The following VPS13D variants were observed in gnomAD, a reference collection of about 807,000 sequenced individuals.
VPS13D encodes vacuolar protein sorting 13 homolog D, also known as intermembrane lipid transfer protein VPS13D.
A neutral mutation model predicts 461.9 loss-of-function variants in VPS13D; 187 were observed. The ratio of observed to expected loss-of-function variants is 0.40; its 90% confidence interval spans 0.36 to 0.46. The LOEUF is 0.46. Among genes scored for constraint, VPS13D ranks in the 20% least tolerant of loss-of-function variants. The pLI, the probability that VPS13D is intolerant of heterozygous loss-of-function variation, is 0.60. For synonymous variants in VPS13D, 1,951 were observed against 1,986.3 expected (o/e 0.98, Z 0.47); for missense variants, 4,711 against 5,364.9 (o/e 0.88, Z 3.81).
chr1:12,510,551 G>GTA lies in VPS13D; in HGVS notation c.*1528_*1529insAT, dbSNP rs1646169290. 1 of 153,150 alleles carries GTA rather than the reference G, an allele frequency of 6.5e-6. No individual in the cohort carries two copies. The highest frequency in any genetic ancestry group is 1.9e-4 in the East Asian group (1 of 5,238). 9.5% of individuals were successfully genotyped at this position (153,150 alleles called of 1,614,324 possible). A position where few individuals can be genotyped will look rare whatever the true frequency, so the allele number is the denominator to read the frequency against. ...TGTGTGTGTGTGTGTGTGTGTGTGT[G>GTA]TGTGCGCGCGCGCGCGTGCATGCAG... On this transcript the variant is annotated 3_prime_UTR_variant, in exon 70 of 70. Transcript: ENST00000620676.
Position 12,278,055 on chromosome 1 carries a change from T to C in VPS13D, c.4450+17T>C, listed in dbSNP as rs1484543202. 2.5e-6 allele frequency: 4 copies of C among 1,576,094 alleles called. No individual in the cohort carries two copies. In the South Asian group the frequency reaches 3.5e-5, roughly 14 times the overall value. On this transcript the variant is annotated intron_variant, in intron 19 of 69. Coordinates refer to ENST00000620676, the MANE Select transcript of VPS13D (RefSeq NM_015378.4). ...GAGGTCAAGGTGAGGAGCATCAGTC[T>C]TTTGTTCTATTTTGTTTAATGATTG...
chr1:12,290,953 C>CA, intron 22 of VPS13D, 45 bp from the exon 23 acceptor site: 2 of 1,538,396 alleles, frequency 1.3e-6, no homozygotes, highest in Admixed American at 2.1e-5. Flanking sequence ...AGTTGTGTGA[C>CA]AAAAAAGGAT....
rs34128167 is a variant in VPS13D at position 12,507,047 on chromosome 1, C to T, written c.12989C>T (p.Thr4330Met). The T allele has an allele frequency of 2.2e-5, 36 of 1,614,248 alleles. No homozygotes were observed. The highest frequency in any genetic ancestry group is 4.4e-5 in the South Asian group (4 of 91,084). Reference sequence around the variant, plus strand: ...CAGGTGACCAAGAAAGCCGTGAGCACGAGCAGTGGAGTGTCCATCCCCGGC... The same window carrying T: ...CAGGTGACCAAGAAAGCCGTGAGCATGAGCAGTGGAGTGTCCATCCCCGGC... Reference protein sequence around the residue: ...YVQVTKKAVSTSSGVSIPGPS... With the variant: ...YVQVTKKAVSMSSGVSIPGPS... The change falls in exon 69 of 70, where the codon ACG becomes ATG. Residue 4330 changes from threonine to methionine, a missense_variant. By Grantham distance (81) the Thr-to-Met change is moderately conservative. Around this residue, in one of 3 missense-constraint regions of VPS13D, gnomAD observed 194 missense variants for 220.9 expected, o/e 0.88. Coordinates refer to ENST00000620676, the MANE Select transcript of VPS13D (RefSeq NM_015378.4). This position sits in a 1 kb window ranked among gnomAD's most constrained non-coding sequence, Gnocchi z 5.3.
At chr1:12,454,346 TG>T (rs1645298973) in intron 65 of VPS13D, among the ~76,000 whole-genome samples, 1 of 152,260 alleles carries the variant, frequency 6.6e-6, no homozygotes, top group African/African-American at 2.4e-5. Context: ...GTGCTAGCTT[TG>T]CAGCGTCGTG....
At chr1:12,319,704 T>C (rs911454063) in intron 32 of VPS13D, 74 bp downstream of exon 32, 2 of 1,598,368 alleles carry the variant, frequency 1.3e-6, no homozygotes, top group Non-Finnish European at 8.5e-7. Context: ...GAATTTTCCC[T>C]CTTAAACTTT....
intron 58 of VPS13D, among the ~76,000 whole-genome samples, chr1:12,384,879 G>A (rs985115799): frequency 2.0e-5 from 3 of 152,074 alleles, no homozygotes; most frequent in East Asian, 1.9e-4. Flanking sequence ...CCTTAGCCTC[G>A]CAAGTAGCTT....
chr1:12,325,452 G>A (rs1643156414), intron 35 of VPS13D, among the ~76,000 whole-genome samples: 1 of 152,044 alleles, frequency 6.6e-6, no homozygotes, highest in African/African-American at 2.4e-5. Flanking sequence ...TAGAGACAGG[G>A]TTTCCCTTTT....
chr1:12,238,571 T>C (rs1640241840), intron 2 of VPS13D, among the ~76,000 whole-genome samples: 1 of 151,770 alleles, frequency 6.6e-6, no homozygotes. Flanking sequence ...GAGGATTAAA[T>C]GAGATAATGT....
Position 12,373,095 on chromosome 1 carries a change from G to GGTTT in VPS13D, c.10809-655_10809-654insGTTT, listed in dbSNP as rs1238171794. On this transcript the variant is annotated intron_variant, in intron 54 of 69. Coordinates refer to ENST00000620676, the MANE Select transcript of VPS13D (RefSeq NM_015378.4). ...TTGGTCCCTTGAATTGTCTGGCTTG[G>GGTTT]TTTTTTTTTTTTTTTTTTTTTTTTT... Among the ~76,000 whole-genome samples the GGTTT allele has an allele frequency of 1.6e-4, 6 of 37,240 alleles. No homozygotes were observed. In the East Asian group the frequency reaches 2.8e-3, roughly 17 times the overall value. The allele number at this position is 37,240 out of a possible 152,430, so 24.4% of individuals were successfully genotyped here. A position where few individuals can be genotyped will look rare whatever the true frequency, so the allele number is the denominator to read the frequency against.
At chr1:12,304,459 C>T (rs1426648227) in intron 25 of VPS13D, 47 bp from the exon 26 acceptor site, 2 of 1,535,880 alleles carry the variant, frequency 1.3e-6, no homozygotes, top group South Asian at 1.2e-5. Context: ...ACCAGTGCTG[C>T]CCCCTTCCCA....
intron 60 of VPS13D, among the ~76,000 whole-genome samples, chr1:12,398,829 G>T (rs1570094211): frequency 6.6e-6 from 1 of 152,204 alleles, no homozygotes; most frequent in African/African-American, 2.4e-5. Flanking sequence ...AAATTGTCTT[G>T]AAGGAATTTG....
chr1:12,427,125 GAAT>G (rs1328045228), intron 65 of VPS13D, among the ~76,000 whole-genome samples: 6 of 151,932 alleles, frequency 3.9e-5, no homozygotes, highest in Admixed American at 3.3e-4. Flanking sequence ...CTTATTGGAA[GAAT>G]AATAATACCA....
chr1:12,385,239 T>C, intron 58 of VPS13D, 21 bp from the exon 59 acceptor site: 2 of 1,587,234 alleles, frequency 1.3e-6, no homozygotes, highest in Non-Finnish European at 1.7e-6. Flanking sequence ...CATCTTCTTG[T>C]GGTGTTTTAT....
At chr1:12,352,229 T>G (rs1643812249) in intron 46 of VPS13D, among the ~76,000 whole-genome samples, 3 of 151,994 alleles carry the variant, frequency 2.0e-5, no homozygotes, top group Admixed American at 1.3e-4. Flanking sequence ...AGGCAGAGGT[T>G]GCAGTGAACT....
chr1:12,352,247 C>T (rs1007954765), intron 46 of VPS13D, among the ~76,000 whole-genome samples: 1 of 151,992 alleles, frequency 6.6e-6, no homozygotes, highest in Non-Finnish European at 1.5e-5. Context: ...ACTGAGATCA[C>T]ACCACTGCAC....
At chr1:12,298,020 A>G (rs1170191814) in intron 24 of VPS13D, among the ~76,000 whole-genome samples, 1 of 152,230 alleles carries the variant, frequency 6.6e-6, no homozygotes, top group Admixed American at 6.5e-5. Context: ...ATATATAAAT[A>G]CATAGCTGTG....
chr1:12,466,059 C>T (rs1387819314), intron 67 of VPS13D, among the ~76,000 whole-genome samples: 7 of 151,778 alleles, frequency 4.6e-5, no homozygotes, highest in Non-Finnish European at 5.9e-5. Context: ...TGCTTGAACC[C>T]GGGAGGCGGA....
chr1:12,272,456 A>G (rs1257374106), intron 17 of VPS13D, among the ~76,000 whole-genome samples: 1 of 137,232 alleles, frequency 7.3e-6, no homozygotes, highest in Non-Finnish European at 1.7e-5. Flanking sequence ...GACAATTAGT[A>G]TTCTTGTAAA....
intron 60 of VPS13D, among the ~76,000 whole-genome samples, chr1:12,395,027 C>G (rs1162972345): frequency 2.0e-5 from 3 of 152,170 alleles, no homozygotes; most frequent in Non-Finnish European, 2.9e-5. Context: ...AGTACACCTC[C>G]TCGTGAGTCA....
Sources: gnomAD v4.1 joint callset for allele counts (sites outside exome capture counted in the v4.1 genomes callset) on GRCh38, gnomAD v4.1.1 for gene constraint, gnomAD v4.1.1 regional missense constraint, Gnocchi (gnomAD v3.1) non-coding constraint, MANE v1.5 for transcripts, NCBI Gene and HGNC (gene_info 2026-07-23, HGNC 2026-07-21) for gene names.